Variants in SCAPER observed in about 807,000 individuals in gnomAD.
SCAPER encodes S phase cyclin A-associated protein in the endoplasmic reticulum.
A neutral mutation model predicts 182.2 loss-of-function variants in SCAPER; 98 were observed. The observed-to-expected ratio is 0.54, with a 90% confidence interval of 0.46 to 0.64. The LOEUF (loss-of-function observed/expected upper bound fraction) is 0.64. Among genes scored for constraint, SCAPER ranks in the 30% least tolerant of loss-of-function variants. The pLI, the probability that SCAPER is intolerant of heterozygous loss-of-function variation, is 0.00. For synonymous variants in SCAPER, 605 were observed against 564.6 expected (o/e 1.07, Z -1.01); for missense variants, 1,432 against 1,690.0 (o/e 0.85, Z 2.68).
intron 21 of SCAPER, among the ~76,000 whole-genome samples, chr15:76,652,518 TACAC>T (rs71143350): frequency 0.17 from 15,263 of 88,344 alleles, 1,228 homozygotes; most frequent in East Asian, 0.41. Flanking sequence ...TTTACATACA[TACAC>T]ACACACACAC....
At chr15:76,901,221 C>T (rs562466952) in intron 1 of SCAPER, among the ~76,000 whole-genome samples, 12 of 152,100 alleles carry the variant, frequency 7.9e-5, no homozygotes, top group South Asian at 4.1e-4. Context: ...CAGAGCAAGA[C>T]GCCGTCTCAA....
intron 4 of SCAPER, among the ~76,000 whole-genome samples, chr15:76,848,323 G>GT (rs60859623): frequency 4.5e-5 from 6 of 132,340 alleles, no homozygotes; most frequent in African/African-American, 1.8e-4. Context: ...TTTTTTTGGG[G>GT]TTTTTTTTTT....
At chr15:76,637,083 G>GCCA (rs556604865) in intron 21 of SCAPER, among the ~76,000 whole-genome samples, 14 of 151,546 alleles carry the variant, frequency 9.2e-5, no homozygotes, top group Middle Eastern at 3.4e-3. Flanking sequence ...AGGCTATGCA[G>GCCA]CCACCACCAC....
intron 1 of SCAPER, among the ~76,000 whole-genome samples, chr15:76,901,131 G>A (rs1436275000): frequency 6.6e-6 from 1 of 152,206 alleles, no homozygotes; most frequent in Non-Finnish European, 1.5e-5. Flanking sequence ...TCAGGAGGCT[G>A]AGGCAGGAGA....
chr15:76,849,807 A>G (rs924474404), intron 4 of SCAPER, among the ~76,000 whole-genome samples: 3 of 152,216 alleles, frequency 2.0e-5, no homozygotes, highest in Non-Finnish European at 2.9e-5. Flanking sequence ...CTTATAAAGG[A>G]AAGAGGTTTA....
In SCAPER at chr15:76,348,744, G is replaced by A; in HGVS notation, c.4100-8C>T. ...GGGAACCAAGGCATTTCCCTGAGAG[G>A]GGGATAAAAGAGAAAAAAGTTAAAT... On this transcript the variant is annotated splice_polypyrimidine_tract_variant and splice_region_variant and intron_variant, in intron 31 of 31. Transcript: ENST00000563290. 6.8e-7 allele frequency: 1 copy of A among 1,461,236 alleles called. No homozygotes were observed. Among genetic ancestry groups the A allele is most frequent in the Non-Finnish European group, 9.1e-7 (1 of 1,095,918 alleles). 90.5% of individuals were successfully genotyped at this position (1,461,236 alleles called of 1,614,324 possible). A position where few individuals can be genotyped will look rare whatever the true frequency, so the allele number is the denominator to read the frequency against.
chr15:76,717,880 T>C (rs1256100797), intron 17 of SCAPER, among the ~76,000 whole-genome samples: 1 of 152,078 alleles, frequency 6.6e-6, no homozygotes, highest in Non-Finnish European at 1.5e-5. Context: ...CAACAATAGA[T>C]AAACTAGAGA....
chr15:76,701,594 CTAAAA>C (rs2058953785), intron 20 of SCAPER, among the ~76,000 whole-genome samples, 159 bp downstream of exon 20: 1 of 152,074 alleles, frequency 6.6e-6, no homozygotes. Flanking sequence ...AATATATACA[CTAAAA>C]TAATGACACA....
In SCAPER at chr15:76,800,543, A is replaced by G. The variant is rs7171670; in HGVS notation, c.495-179T>C. Among the ~76,000 whole-genome samples, 1,232 of 152,324 alleles carry G rather than the reference A, an allele frequency of 8.1e-3. 12 individuals carry two copies. Among genetic ancestry groups the G allele is most frequent in the African/African-American group, 0.028 (1,167 of 41,564 alleles). On this transcript the variant is annotated intron_variant, in intron 6 of 31. Coordinates refer to ENST00000563290, the MANE Select transcript of SCAPER (RefSeq NM_020843.4). ...TTGCTTACCAGAAAGTTACCATACT[A>G]TCAGTGAGAAATCATAGTTGATAAA...
chr15:76,604,230 G>C lies in SCAPER; in HGVS notation c.2711+17534C>G, dbSNP rs1402357681. On this transcript the variant is annotated intron_variant, in intron 22 of 31. Coordinates refer to ENST00000563290, the MANE Select transcript of SCAPER (RefSeq NM_020843.4). ...GGTGTAAGGAAGGGATCCAGTTTCA[G>C]CTTTCTACATATGGCTAGCCAGTTT... is the stretch of plus-strand genomic sequence containing the variant. Among the ~76,000 whole-genome samples, 4 of 120,864 alleles carry C rather than the reference G, an allele frequency of 3.3e-5. 1 individual carries two copies. Among genetic ancestry groups the C allele is most frequent in the Non-Finnish European group, 8.0e-5 (4 of 49,802 alleles). The allele number at this position is 120,864 out of a possible 152,430, so 79.3% of individuals were successfully genotyped here.
intron 15 of SCAPER, among the ~76,000 whole-genome samples, chr15:76,752,427 C>T (rs1308437346): frequency 1.3e-5 from 2 of 151,756 alleles, no homozygotes; most frequent in African/African-American, 2.4e-5. Flanking sequence ...GTTATTTGTA[C>T]ACCCATATTT....
chr15:76,529,169 A>T (rs2043429796), intron 23 of SCAPER, among the ~76,000 whole-genome samples: 1 of 152,004 alleles, frequency 6.6e-6, no homozygotes, highest in Non-Finnish European at 1.5e-5. Context: ...TCAGCCTCCC[A>T]AGTAGCTGGG....
intron 23 of SCAPER, among the ~76,000 whole-genome samples, chr15:76,563,100 T>A (rs1010917662): frequency 5.9e-5 from 9 of 152,120 alleles, no homozygotes; most frequent in Non-Finnish European, 1.0e-4. Context: ...GTCAAATTAA[T>A]AGTTTATCAT....
chr15:76,390,265 T>A (rs2043597262), intron 27 of SCAPER, among the ~76,000 whole-genome samples: 1 of 152,164 alleles, frequency 6.6e-6, no homozygotes, highest in African/African-American at 2.4e-5. Context: ...AAAGAGGAAC[T>A]CTTGAGAAGG....
chr15:76,631,942 C>T (rs1447497868), intron 21 of SCAPER, among the ~76,000 whole-genome samples: 1 of 152,142 alleles, frequency 6.6e-6, no homozygotes, highest in East Asian at 1.9e-4. Context: ...CAGGTTTGGC[C>T]TTTTAACAGT....
chr15:76,714,944 T>C (rs1026931417), intron 17 of SCAPER, among the ~76,000 whole-genome samples: 2 of 151,946 alleles, frequency 1.3e-5, no homozygotes, highest in South Asian at 2.1e-4. Context: ...ATTATTTCCA[T>C]ATTAAAAAAA....
At position 76,725,269 on chromosome 15, in the gene SCAPER, T is replaced by C. The variant is rs75720638; in HGVS notation, c.2165+3326A>G. Among the ~76,000 whole-genome samples, 470 of 152,100 alleles carry C rather than the reference T, an allele frequency of 3.1e-3. 4 individuals are homozygous for C. The highest frequency in any genetic ancestry group is 0.011 in the African/African-American group (452 of 41,518). On this transcript the variant is annotated intron_variant, in intron 17 of 31. Coordinates refer to ENST00000563290, the MANE Select transcript of SCAPER (RefSeq NM_020843.4). ...ATGCAATGAAAACTACAAAACATTG[T>C]TGAAAGGAACTGAAGACACAAATAA...
chr15:76,760,404 C>T (rs1037063885), intron 14 of SCAPER, among the ~76,000 whole-genome samples: 3 of 152,182 alleles, frequency 2.0e-5, no homozygotes, highest in African/African-American at 7.2e-5. Context: ...GGAAAAGATG[C>T]CTAAGGCAAA....
At chr15:76,357,761 T>C (rs1266799337) in intron 29 of SCAPER, among the ~76,000 whole-genome samples, 1 of 152,238 alleles carries the variant, frequency 6.6e-6, no homozygotes. Flanking sequence ...AAAATACTAC[T>C]CAGCCATAAA....
Sources: allele counts gnomAD v4.1 joint callset (sites outside exome capture counted in the v4.1 genomes callset), GRCh38; gene constraint gnomAD v4.1.1; transcripts MANE v1.5; gene names NCBI Gene and HGNC (gene_info 2026-07-23, HGNC 2026-07-21).